Variants in UGCG observed in about 807,000 individuals in gnomAD.
UGCG encodes the protein UDP-glucose ceramide glucosyltransferase.
Under a neutral mutation model 49.5 loss-of-function variants are expected in UGCG, and 10 were observed. The ratio of observed to expected loss-of-function variants is 0.20; its 90% CI spans 0.12 to 0.34. UGCG has a LOEUF of 0.34. Among genes scored for constraint, UGCG ranks in the 10% least tolerant of loss-of-function variants. The pLI is 1.00. For synonymous variants in UGCG, 182 were observed against 158.2 expected (o/e 1.15, Z -1.13); for missense variants, 312 against 483.7 (o/e 0.65, Z 3.33).
chr9:111,921,198 C>G (rs1838216397), intron 2 of UGCG, among the ~76,000 whole-genome samples: 1 of 152,098 alleles, frequency 6.6e-6, no homozygotes, highest in Non-Finnish European at 1.5e-5. Context: ...GCCACCGTGC[C>G]TGGCTGTTCA....
Position 111,932,913 on chromosome 9 carries a change from A to G in UGCG, c.1101A>G (p.Ala367=), listed in dbSNP as rs1838453619. ...ESMTIYIFLS[A]LWDPTISWRT... ...TGACAATATACATTTTTTTGTCTGCATTATGGGACCCAACTATAAGCTGGA... is the reference window on the plus strand; with the variant it reads ...TGACAATATACATTTTTTTGTCTGCGTTATGGGACCCAACTATAAGCTGGA... Residue 367 remains alanine (A), a synonymous_variant, in exon 9 of 9, where the codon GCA becomes GCG. Coordinates refer to ENST00000374279, the MANE Select transcript of UGCG (RefSeq NM_003358.3). The G allele has an allele frequency of 3.7e-6, 6 of 1,613,218 alleles. No individual in the cohort carries two copies. The highest frequency in any genetic ancestry group is 4.2e-6 in the Non-Finnish European group (5 of 1,179,544).
In UGCG at chr9:111,930,220, A is replaced by T. The variant is rs148493151; in HGVS notation, c.737+542A>T. Among the ~76,000 whole-genome samples, 8 of 152,288 alleles carry T rather than the reference A, an allele frequency of 5.3e-5. No homozygotes were observed. The East Asian group carries it at 1.5e-3, about 29-fold the overall frequency. On this transcript the variant is annotated intron_variant, in intron 6 of 8. Transcript: ENST00000374279. ...TGATTCCTCTACATTTTTCAAATTA[A>T]TGTGTTTTAAAGCGATTAAAAGTAA... is the stretch of plus-strand genomic sequence containing the variant.
chr9:111,914,566 T>G, intron 1 of UGCG, 39 bp from the exon 2 acceptor site: 1 of 1,597,562 alleles, frequency 6.3e-7, no homozygotes, highest in Non-Finnish European at 8.6e-7. Context: ...GACACTAATG[T>G]ATTCTATAGA....
intron 2 of UGCG, among the ~76,000 whole-genome samples, chr9:111,921,887 C>T (rs1838229109): frequency 7.5e-6 from 1 of 134,052 alleles, no homozygotes; most frequent in Non-Finnish European, 1.5e-5. Context: ...CTTCGGCTCA[C>T]TGCAGCCTCA....
rs1217106593 is a variant in UGCG at position 111,897,095 on chromosome 9, C to T, written c.-121C>T. The T allele has an allele frequency of 4.1e-6, 2 of 493,120 alleles. No individual in the cohort carries two copies. Among genetic ancestry groups the T allele is most frequent in the Admixed American group, 3.8e-5 (1 of 26,100 alleles). The allele number at this position is 493,120 out of a possible 1,614,324, so 30.5% of individuals were successfully genotyped here. ...TCCCCACCCCCCTCCGCCCTTTCCT[C>T]TCCCCACCTTCCTCTCGCCTCCCGC... On this transcript the variant is annotated 5_prime_UTR_variant, in exon 1 of 9. Transcript: ENST00000374279.
intron 2 of UGCG, 21 bp from the exon 3 acceptor site, chr9:111,922,828 C>T (rs113985589): frequency 1.3e-6 from 2 of 1,539,010 alleles, no homozygotes; most frequent in Non-Finnish European, 1.8e-6. Context: ...ATTTAATTTA[C>T]ATACAATGCT....
chr9:111,900,112 A>G (rs1016321021), intron 1 of UGCG, among the ~76,000 whole-genome samples: 1 of 124,162 alleles, frequency 8.1e-6, no homozygotes, highest in Admixed American at 9.4e-5. Context: ...AATAGCCTTT[A>G]TGGGTTAATT....
intron 2 of UGCG, among the ~76,000 whole-genome samples, chr9:111,919,988 G>T (rs1009753781): frequency 1.3e-5 from 2 of 152,106 alleles, no homozygotes; most frequent in African/African-American, 4.8e-5. Context: ...ATTGTTTTGA[G>T]AGTCTGGATG....
Position 111,928,430 on chromosome 9 carries a change from C to T in UGCG, c.559-1070C>T, listed in dbSNP as rs551995429. ...ATGTCAATAAACATCTCCCAGAATA[C>T]ACCCATTGCCTTAGTGTAGGTTTAA... On this transcript the variant is annotated intron_variant, in intron 5 of 8. Coordinates refer to ENST00000374279, the MANE Select transcript of UGCG (RefSeq NM_003358.3). 2.6e-5 allele frequency among the ~76,000 whole-genome samples: 4 copies of T among 152,286 alleles called. No homozygotes were observed. In the South Asian group the frequency reaches 8.3e-4, roughly 32 times the overall value.
At chr9:111,901,070 C>T (rs1021198128) in intron 1 of UGCG, among the ~76,000 whole-genome samples, 2 of 152,134 alleles carry the variant, frequency 1.3e-5, no homozygotes, top group South Asian at 4.1e-4. Context: ...CCCACCTTGG[C>T]CTCCTGAAGT....
intron 1 of UGCG, among the ~76,000 whole-genome samples, chr9:111,901,519 A>G (rs1255352331): frequency 1.3e-5 from 2 of 152,156 alleles, no homozygotes; most frequent in African/African-American, 4.8e-5. Flanking sequence ...TGATAGCTTT[A>G]AAGAACAAAG....
At chr9:111,915,571 G>T (rs943404615) in intron 2 of UGCG, among the ~76,000 whole-genome samples, 1 of 152,014 alleles carries the variant, frequency 6.6e-6, no homozygotes, top group African/African-American at 2.4e-5. Context: ...TTCCCTTTGC[G>T]GTCTCTATTC....
chr9:111,915,795 G>A, intron 2 of UGCG: 11 of 985,140 alleles, frequency 1.1e-5, no homozygotes, highest in Non-Finnish European at 1.3e-5. Context: ...GAAAAGAATA[G>A]AGAAGACACA....
At chr9:111,912,367 G>T (rs966644437) in intron 1 of UGCG, among the ~76,000 whole-genome samples, 26 of 151,794 alleles carry the variant, frequency 1.7e-4, no homozygotes, top group African/African-American at 6.0e-4. Flanking sequence ...CACTTAAGAT[G>T]AAGAGTTCGA....
chr9:111,922,937 C>A lies in UGCG; in HGVS notation c.329C>A (p.Ala110Asp). 6.2e-7 allele frequency: 1 copy of A among 1,610,292 alleles called. No individual in the cohort carries two copies. The highest frequency in any genetic ancestry group is 8.5e-7 in the Non-Finnish European group (1 of 1,177,812). ...CTTGGAAAATATCCAAATGTTGATG[C>A]TAGATTGTTTATAGGTAAGTAACAA... ...KLLGKYPNVD[A>D]RLFIGGKKVG... is the part of the protein sequence containing the mutation. Residue 110 changes from alanine (A) to aspartate (D), a missense_variant, in exon 3 of 9, where the codon GCT becomes GAT. This residue lies in a region of UGCG where 64 missense variants were observed against 67.6 expected (regional missense o/e 0.95). Coordinates refer to ENST00000374279, the MANE Select transcript of UGCG (RefSeq NM_003358.3).
intron 5 of UGCG, chr9:111,929,216 A>C (rs1263943923): frequency 1.7e-5 from 5 of 286,530 alleles, no homozygotes; most frequent in African/African-American, 1.1e-4. Context: ...CCCTAAAAAC[A>C]AGATACATTG....
In UGCG at chr9:111,897,157, C is replaced by A; in HGVS notation, c.-59C>A. ...GGGCGCCCACCCTGTCCTCCTCCTGCGGGAGCGTTGTCCGTGTTGGCGGCC... is the reference window on the plus strand; with the variant it reads ...GGGCGCCCACCCTGTCCTCCTCCTGAGGGAGCGTTGTCCGTGTTGGCGGCC... On this transcript the variant is annotated 5_prime_UTR_variant, in exon 1 of 9. Transcript: ENST00000374279. The A allele has an allele frequency of 6.8e-7, 1 of 1,476,474 alleles. No individual in the cohort carries two copies. The highest frequency in any genetic ancestry group is 9.1e-7 in the Non-Finnish European group (1 of 1,097,454). The allele number at this position is 1,476,474 out of a possible 1,614,324, so 91.5% of individuals were successfully genotyped here. A position where few individuals can be genotyped will look rare whatever the true frequency, so the allele number is the denominator to read the frequency against.
intron 1 of UGCG, among the ~76,000 whole-genome samples, chr9:111,907,963 TC>T (rs1190393657): frequency 6.6e-6 from 1 of 152,186 alleles, no homozygotes; most frequent in East Asian, 1.9e-4. Flanking sequence ...ATCACTGTCT[TC>T]CTTTGCTTGA....
Position 111,932,153 on chromosome 9 carries a change from C to T in UGCG, c.825-17C>T, listed in dbSNP as rs545182569. 2 of 1,610,336 alleles carry T rather than the reference C, an allele frequency of 1.2e-6. No individual in the cohort carries two copies. Among genetic ancestry groups the T allele is most frequent in the African/African-American group, 2.7e-5 (2 of 74,760 alleles). On this transcript the variant is annotated splice_polypyrimidine_tract_variant and intron_variant, in intron 7 of 8. Transcript: ENST00000374279. The stretch of plus-strand genomic sequence containing the variant: ...GCCAGGATATTGTTTTAAAGAAAAT[C>T]CTTTTTGTTTTTCCAGGTGGACCAA...
Sources: allele counts gnomAD v4.1 joint callset (sites outside exome capture counted in the v4.1 genomes callset), GRCh38; gene constraint gnomAD v4.1.1; regional missense constraint gnomAD v4.1.1; transcripts MANE v1.5; gene names NCBI Gene and HGNC (gene_info 2026-07-23, HGNC 2026-07-21).